The following AFF3 variants were observed in gnomAD, a reference collection of about 807,000 sequenced individuals.
The protein encoded by AFF3 is ALF transcription elongation factor 3.
Under a neutral mutation model 129.7 loss-of-function variants are expected in AFF3, and 32 were observed. The observed-to-expected ratio is 0.25, with a 90% CI of 0.19 to 0.33. AFF3 has a LOEUF of 0.33. Ranked by LOEUF, AFF3 falls within the 10% of genes least tolerant of loss-of-function variation. AFF3 has a pLI of 1.00. For missense variants in AFF3, 1,373 were observed against 1,592.0 expected (o/e 0.86, Z 2.34); for synonymous variants, 644 against 635.4 (o/e 1.01, Z -0.20).
intron 4 of AFF3, among the ~76,000 whole-genome samples, chr2:100,044,519 C>T (rs1170054854): frequency 2.0e-5 from 3 of 151,836 alleles, no homozygotes; most frequent in Admixed American, 6.6e-5. Context: ...CCTAAGTTGA[C>T]TTTCCTGTCC....
chr2:100,105,706 C>T (rs1158935785), intron 2 of AFF3, 123 bp from the exon 3 acceptor site: 4 of 1,359,294 alleles, frequency 2.9e-6, no homozygotes, highest in Non-Finnish European at 2.9e-6. Context: ...ATGTCTCCAT[C>T]AGGGCCCTAC....
chr2:99,849,042 C>A (rs1689942078), intron 7 of AFF3, among the ~76,000 whole-genome samples: 2 of 152,000 alleles, frequency 1.3e-5, no homozygotes, highest in African/African-American at 2.4e-5. Flanking sequence ...AAAAGACTGG[C>A]TACTGCTTAG....
Position 100,007,295 on chromosome 2 carries a change from C to A in AFF3, c.340G>T (p.Ala114Ser), listed in dbSNP as rs371408671. 3.1e-6 allele frequency: 5 copies of A among 1,614,086 alleles called. No individual in the cohort carries two copies. The highest frequency in any genetic ancestry group is 4.2e-6 in the Non-Finnish European group (5 of 1,180,028). The change falls in exon 6 of 25, where the codon GCA (alanine) becomes TCA (serine). Residue 114 changes from alanine to serine, a missense_variant. Ala to Ser is a moderately conservative substitution (Grantham distance 99, BLOSUM62 1). This residue lies in a region of AFF3 where 255 missense variants were observed against 256.0 expected (regional missense o/e 1.00). Transcript: ENST00000672756. ...PVNKIDEHFV[A>S]DSRAQNQPSS... is the part of the protein sequence containing the mutation. Reference sequence around the variant, plus strand: ...GGCTGGTTCTGGGCTCTTGAATCTGCAACAAAATGTTCATCGATCTTGTTC... The same window carrying A: ...GGCTGGTTCTGGGCTCTTGAATCTGAAACAAAATGTTCATCGATCTTGTTC...
intron 7 of AFF3, among the ~76,000 whole-genome samples, chr2:99,920,936 A>C (rs553611796): frequency 3.2e-4 from 48 of 152,212 alleles, no homozygotes; most frequent in African/African-American, 8.4e-4. Context: ...ATTTAACAAA[A>C]AACAAGCCAG....
At chr2:99,887,693 C>G (rs929540915) in intron 7 of AFF3, among the ~76,000 whole-genome samples, 1 of 152,146 alleles carries the variant, frequency 6.6e-6, no homozygotes, top group African/African-American at 2.4e-5. Context: ...TTTATTATTG[C>G]TATACTTATC....
intron 4 of AFF3, among the ~76,000 whole-genome samples, chr2:100,019,192 C>T (rs554957902): frequency 2.6e-5 from 4 of 152,136 alleles, no homozygotes; most frequent in East Asian, 3.9e-4. Flanking sequence ...CAACGTTAGC[C>T]GTAAAAAAAG....
chr2:99,936,851 A>G (rs1361090269), intron 7 of AFF3, among the ~76,000 whole-genome samples: 1 of 152,210 alleles, frequency 6.6e-6, no homozygotes, highest in East Asian at 1.9e-4. Flanking sequence ...CACCAGCCCA[A>G]GGTGGATTTA....
intron 10 of AFF3, among the ~76,000 whole-genome samples, 188 bp from the exon 11 acceptor site, chr2:99,727,316 C>T (rs1188971843): frequency 6.6e-6 from 1 of 152,186 alleles, no homozygotes; most frequent in Non-Finnish European, 1.5e-5. Flanking sequence ...AATGCAACTG[C>T]CCAGGCACAA....
intron 8 of AFF3, among the ~76,000 whole-genome samples, chr2:99,788,864 AC>A (rs1282797706): frequency 6.6e-6 from 1 of 152,092 alleles, no homozygotes; most frequent in Admixed American, 6.5e-5. Flanking sequence ...TTTTTACTCT[AC>A]CTTTTCTGTG....
intron 8 of AFF3, among the ~76,000 whole-genome samples, chr2:99,819,660 A>G (rs1687496641): frequency 6.6e-6 from 1 of 152,278 alleles, no homozygotes; most frequent in Admixed American, 6.5e-5. Flanking sequence ...AAATGAGAAC[A>G]GTAGCTTTTT....
At chr2:100,138,872 G>A (rs1476548554) in intron 1 of AFF3, among the ~76,000 whole-genome samples, 1 of 150,780 alleles carries the variant, frequency 6.6e-6, no homozygotes, top group Non-Finnish European at 1.5e-5. Flanking sequence ...TTGAACCCAG[G>A]AGGCGGAGGC....
At chr2:99,967,599 G>A (rs1223940755) in intron 7 of AFF3, among the ~76,000 whole-genome samples, 1 of 152,112 alleles carries the variant, frequency 6.6e-6, no homozygotes, top group African/African-American at 2.4e-5. Flanking sequence ...GGGCATTTAC[G>A]CCATGGAAAC....
intron 7 of AFF3, among the ~76,000 whole-genome samples, chr2:99,917,398 G>A (rs1376821562): frequency 1.3e-5 from 2 of 152,076 alleles, no homozygotes; most frequent in Non-Finnish European, 2.9e-5. Context: ...ATCGGGGAGT[G>A]GATCCAGGAG....
chr2:99,810,738 A>G (rs1686725286), intron 8 of AFF3, among the ~76,000 whole-genome samples: 1 of 152,178 alleles, frequency 6.6e-6, no homozygotes, highest in Non-Finnish European at 1.5e-5. Context: ...TTAGAGTTTG[A>G]CCGCTAAAAG....
At chr2:99,701,266 G>A (rs929975014) in intron 11 of AFF3, among the ~76,000 whole-genome samples, 2 of 152,040 alleles carry the variant, frequency 1.3e-5, no homozygotes, top group Non-Finnish European at 2.9e-5. Flanking sequence ...AGGTGTGGTC[G>A]TGCAGACAGA....
rs1331112607 is a variant in AFF3 at position 99,601,757 on chromosome 2, A to G, written c.1185-136T>C. On this transcript the variant is annotated intron_variant, in intron 13 of 24. Transcript: ENST00000672756. ...TACACATCTGTCAACCATGACCTGG[A>G]ACTCAAAGAGCAGGCATCGAGGTCA... 1.2e-5 allele frequency: 13 copies of G among 1,062,286 alleles called. No individual in the cohort carries two copies. The East Asian group carries it at 1.8e-4, about 15-fold the overall frequency. The allele number at this position is 1,062,286 out of a possible 1,614,324, so 65.8% of individuals were successfully genotyped here.
At chr2:99,651,501 G>A (rs1215804203) in intron 12 of AFF3, among the ~76,000 whole-genome samples, 2 of 151,920 alleles carry the variant, frequency 1.3e-5, no homozygotes, top group Non-Finnish European at 2.9e-5. Context: ...GAGTGTAGTG[G>A]CCTGATTTCA....
intron 7 of AFF3, among the ~76,000 whole-genome samples, chr2:100,001,055 C>G (rs572971138): frequency 6.6e-6 from 1 of 152,226 alleles, no homozygotes; most frequent in Non-Finnish European, 1.5e-5. Flanking sequence ...AGGTGCGGAG[C>G]TCAGGCCCTG....
chr2:99,815,134 G>T (rs1687120369), intron 8 of AFF3, among the ~76,000 whole-genome samples: 1 of 47,060 alleles, frequency 2.1e-5, no homozygotes, highest in Non-Finnish European at 3.8e-5. Flanking sequence ...GGCAGGGGAG[G>T]AAGTAGCCCA....
Sources: allele counts gnomAD v4.1 joint callset (sites outside exome capture counted in the v4.1 genomes callset), GRCh38; gene constraint gnomAD v4.1.1; regional missense constraint gnomAD v4.1.1; transcripts MANE v1.5; gene names NCBI Gene and HGNC (gene_info 2026-07-23, HGNC 2026-07-21).